The following ZCCHC14 variants were observed in gnomAD, a reference collection of about 807,000 sequenced individuals.
ZCCHC14 encodes zinc finger CCHC domain-containing protein 14.
A neutral mutation model predicts 85.0 loss-of-function variants in ZCCHC14; 16 were observed. The observed-to-expected ratio is 0.19, with a 90% CI of 0.13 to 0.29. The LOEUF is 0.29. Ranked by LOEUF, ZCCHC14 falls within the 10% of genes least tolerant of loss-of-function variation. The probability of loss-of-function intolerance (pLI) is 1.00; values close to 1 mark genes in which losing one functional copy is unlikely to be tolerated. For missense variants in ZCCHC14, 1,303 were observed against 1,443.5 expected (o/e 0.90, Z 1.58); for synonymous variants, 775 against 630.7 (o/e 1.23, Z -3.43).
chr16:87,485,241 G>T (rs1276741428), intron 1 of ZCCHC14, among the ~76,000 whole-genome samples: 1 of 152,154 alleles, frequency 6.6e-6, no homozygotes, highest in Non-Finnish European at 1.5e-5. Flanking sequence ...GCAATTATTT[G>T]AAAGATACTC....
At chr16:87,437,576 G>A (rs1376391535) in intron 2 of ZCCHC14, among the ~76,000 whole-genome samples, 1 of 152,174 alleles carries the variant, frequency 6.6e-6, no homozygotes, top group African/African-American at 2.4e-5. Context: ...GGCCTGTGTG[G>A]GGACAAACAC....
At chr16:87,483,259 A>G (rs1322124870) in intron 1 of ZCCHC14, among the ~76,000 whole-genome samples, 4 of 134,964 alleles carry the variant, frequency 3.0e-5, no homozygotes, top group Non-Finnish European at 6.2e-5. Context: ...GGAGCTTGAG[A>G]CCAGCCTGGT....
At chr16:87,445,248 G>A (rs1357376573) in intron 2 of ZCCHC14, among the ~76,000 whole-genome samples, 2 of 151,992 alleles carry the variant, frequency 1.3e-5, no homozygotes, top group Non-Finnish European at 2.9e-5. Context: ...TGTATTTTTA[G>A]TAGAAACGGG....
chr16:87,488,545 A>G (rs1912614107), intron 1 of ZCCHC14, among the ~76,000 whole-genome samples: 1 of 152,256 alleles, frequency 6.6e-6, no homozygotes, highest in South Asian at 2.1e-4. Context: ...AATTGCAAAT[A>G]ATGACTATTT....
At chr16:87,439,932 A>C (rs2150743302) in intron 2 of ZCCHC14, among the ~76,000 whole-genome samples, 1 of 152,302 alleles carries the variant, frequency 6.6e-6, no homozygotes, top group South Asian at 2.1e-4. Context: ...AACGAACCAA[A>C]CATTTTCCCA....
intron 1 of ZCCHC14, among the ~76,000 whole-genome samples, chr16:87,481,374 T>C (rs1266911560): frequency 6.6e-6 from 1 of 151,666 alleles, no homozygotes; most frequent in African/African-American, 2.4e-5. Flanking sequence ...AGAAGCAAAG[T>C]GGAGTTAGGC....
At chr16:87,467,042 ATTG>A (rs1235318360) in intron 1 of ZCCHC14, 10 of 389,164 alleles carry the variant, frequency 2.6e-5, no homozygotes, top group Admixed American at 4.9e-5. Flanking sequence ...AAAAAAAAAA[ATTG>A]TTTTTTTTTT....
At chr16:87,479,156 C>T (rs1218877147) in intron 1 of ZCCHC14, among the ~76,000 whole-genome samples, 1 of 152,008 alleles carries the variant, frequency 6.6e-6, no homozygotes, top group African/African-American at 2.4e-5. Flanking sequence ...GTGGCTCACA[C>T]CTGGAATCCC....
chr16:87,411,485 C>A, intron 12 of ZCCHC14, 31 bp downstream of exon 12: 2 of 1,610,128 alleles, frequency 1.2e-6, no homozygotes, highest in Non-Finnish European at 8.5e-7. Flanking sequence ...CCTGCGGGAG[C>A]CTGGTGGGCG....
intron 1 of ZCCHC14, among the ~76,000 whole-genome samples, chr16:87,462,712 C>T (rs751974090): frequency 1.9e-4 from 28 of 150,182 alleles, no homozygotes; most frequent in Non-Finnish European, 3.4e-4. Flanking sequence ...AGCACTCCAG[C>T]CTGGGCGACA....
chr16:87,489,698 G>A (rs1203736994), intron 1 of ZCCHC14, among the ~76,000 whole-genome samples: 1 of 152,172 alleles, frequency 6.6e-6, no homozygotes, highest in African/African-American at 2.4e-5. Context: ...GGAGGTGCAG[G>A]GGTGAGCAGA....
intron 1 of ZCCHC14, among the ~76,000 whole-genome samples, chr16:87,468,197 T>C (rs1381459306): frequency 6.6e-6 from 1 of 152,170 alleles, no homozygotes; most frequent in Non-Finnish European, 1.5e-5. Flanking sequence ...CTTTTGAAAG[T>C]AGGAAGGGTA....
In ZCCHC14 at chr16:87,450,352, T is replaced by G. The variant is rs1261607013; in HGVS notation, c.694+9656A>C. Among the ~76,000 whole-genome samples, 4 of 152,350 alleles carry G rather than the reference T, an allele frequency of 2.6e-5. No individual in the cohort carries two copies. In the East Asian group the frequency reaches 7.7e-4, roughly 29 times the overall value. On this transcript the variant is annotated intron_variant, in intron 2 of 12. Coordinates refer to ENST00000671377, the MANE Select transcript of ZCCHC14 (RefSeq NM_015144.3). Reference sequence around the variant, plus strand: ...GAAGCATTACCTCTTGTAGCTGTTATTAGAATTTGAACATTCACCATCACA... The same window carrying G: ...GAAGCATTACCTCTTGTAGCTGTTAGTAGAATTTGAACATTCACCATCACA...
intron 2 of ZCCHC14, among the ~76,000 whole-genome samples, chr16:87,447,533 T>C (rs748556415): frequency 1.3e-5 from 2 of 152,194 alleles, no homozygotes; most frequent in African/African-American, 4.8e-5. Context: ...TGTGGTTACA[T>C]GTATTAGCTT....
At chr16:87,443,248 C>T (rs922147419) in intron 2 of ZCCHC14, among the ~76,000 whole-genome samples, 8 of 152,262 alleles carry the variant, frequency 5.3e-5, no homozygotes, top group East Asian at 1.9e-4. Flanking sequence ...CACCTTCCAC[C>T]GGCACTGGTA....
At chr16:87,470,457 T>G (rs750763031) in intron 1 of ZCCHC14, 1 of 152,094 alleles carries the variant, frequency 6.6e-6, no homozygotes, top group Non-Finnish European at 1.5e-5. Flanking sequence ...GGGGGTGGCC[T>G]CGTCCTCAGC....
chr16:87,466,055 G>A (rs1300939402), intron 1 of ZCCHC14, among the ~76,000 whole-genome samples: 1 of 152,168 alleles, frequency 6.6e-6, no homozygotes, highest in African/African-American at 2.4e-5. Flanking sequence ...GAGGAGCTAC[G>A]CCTGCAGAAG....
chr16:87,420,623 G>A lies in ZCCHC14; in HGVS notation c.934C>T (p.Leu312=). Residue 312 remains leucine, a synonymous_variant, in exon 5 of 13, where the codon CTG becomes TTG. Coordinates refer to ENST00000671377, the MANE Select transcript of ZCCHC14 (RefSeq NM_015144.3). This position sits in a 1 kb window ranked among gnomAD's most constrained non-coding sequence, Gnocchi z 5.0. The part of the protein sequence containing the change: ...AFYVERNHVD[L]DSGLRYLASL... ...GGGCCTCACCTCAGGCCTGAGTCCA[G>A]ATCCACGTGGTTTCGCTCCACATAA... is the stretch of plus-strand genomic sequence containing the variant. 6.2e-7 allele frequency: 1 copy of A among 1,613,446 alleles called. No homozygotes were observed. The highest frequency in any genetic ancestry group is 1.7e-4 in the Middle Eastern group (1 of 6,046).
intron 1 of ZCCHC14, among the ~76,000 whole-genome samples, chr16:87,481,575 G>C (rs1215710687): frequency 7.9e-6 from 1 of 126,292 alleles, no homozygotes; most frequent in African/African-American, 2.9e-5. Flanking sequence ...GAGGGGAAAG[G>C]AAGGAGAGGA....
Sources: gnomAD v4.1 joint callset for allele counts (sites outside exome capture counted in the v4.1 genomes callset) on GRCh38, gnomAD v4.1.1 for gene constraint, Gnocchi (gnomAD v3.1) non-coding constraint, MANE v1.5 for transcripts, NCBI Gene and HGNC (gene_info 2026-07-23, HGNC 2026-07-21) for gene names.